ATF7IP2: variants seen among roughly 807,000 people sequenced by gnomAD.
The protein encoded by ATF7IP2 is activating transcription factor 7 interacting protein 2.
ATF7IP2 carries 42 observed loss-of-function variants against 64.2 expected under a neutral mutation model. That is an observed-to-expected ratio of 0.65 (90% CI 0.51 to 0.85). ATF7IP2 has a LOEUF of 0.85. ATF7IP2 is among the 40% of genes least tolerant of loss of function. The pLI, the probability that ATF7IP2 is intolerant of heterozygous loss-of-function variation, is 0.00. For missense variants in ATF7IP2, 933 were observed against 784.2 expected (o/e 1.19, Z -2.27); for synonymous variants, 308 against 272.8 (o/e 1.13, Z -1.27).
chr16:10,460,871 C>T (rs1023512632), intron 9 of ATF7IP2, among the ~76,000 whole-genome samples: 1 of 152,016 alleles, frequency 6.6e-6, no homozygotes, highest in Non-Finnish European at 1.5e-5. Flanking sequence ...CTTCGTTTCT[C>T]AAAAGGCACT....
rs139109742 is a variant in ATF7IP2 at position 10,474,557 on chromosome 16, G to C, written c.1549+568G>C. Among the ~76,000 whole-genome samples, 10 of 152,246 alleles carry C rather than the reference G, an allele frequency of 6.6e-5. No individual in the cohort carries two copies. In the East Asian group the frequency reaches 1.5e-3, roughly 23 times the overall value. On this transcript the variant is annotated intron_variant, in intron 12 of 13. Coordinates refer to ENST00000562102, the MANE Select transcript of ATF7IP2 (RefSeq NM_001393719.1). ...TATAACATGAAAATGTAGACAGAGA[G>C]TGACAACAGTGTCTGTCGTCTTTCA...
chr16:10,390,686 G>C (rs953614736), intron 1 of ATF7IP2, among the ~76,000 whole-genome samples: 1 of 152,118 alleles, frequency 6.6e-6, no homozygotes, highest in African/African-American at 2.4e-5. Flanking sequence ...CTCCTTGGGA[G>C]GCTGAGGCAG....
In ATF7IP2 at chr16:10,431,016, A is replaced by G. The variant is rs771371410; in HGVS notation, c.396A>G (p.Glu132=). 6.2e-7 allele frequency: 1 copy of G among 1,614,206 alleles called. No homozygotes were observed. Among genetic ancestry groups the G allele is most frequent in the Non-Finnish European group, 8.5e-7 (1 of 1,180,040 alleles). The change falls in exon 5 of 14, where the codon GAA becomes GAG. Residue 132 remains glutamate, a synonymous_variant. Coordinates refer to ENST00000562102, the MANE Select transcript of ATF7IP2 (RefSeq NM_001393719.1). ...AATCCCCCAGCAGAGTCTTCACAGAAGAGGCAAAAGATTCACTGAACACTT... is the reference window on the plus strand; with the variant it reads ...AATCCCCCAGCAGAGTCTTCACAGAGGAGGCAAAAGATTCACTGAACACTT... The part of the protein sequence containing the change: ...TTESPSRVFT[E]EAKDSLNTSE...
At chr16:10,446,694 T>C (rs2048816772) in intron 8 of ATF7IP2, 1 of 152,230 alleles carries the variant, frequency 6.6e-6, no homozygotes, top group Admixed American at 6.5e-5. Context: ...CCTTTCATTA[T>C]CTTTCCATAT....
At chr16:10,397,656 C>T (rs567135533) in intron 1 of ATF7IP2, among the ~76,000 whole-genome samples, 2 of 151,988 alleles carry the variant, frequency 1.3e-5, no homozygotes, top group South Asian at 2.1e-4. Flanking sequence ...GCGGGTGAAT[C>T]GTTTGAGCTT....
intron 2 of ATF7IP2, among the ~76,000 whole-genome samples, chr16:10,417,082 A>T (rs1030668072): frequency 8.5e-5 from 13 of 152,234 alleles, no homozygotes; most frequent in African/African-American, 2.9e-4. Flanking sequence ...CAGAGGTCAT[A>T]TAAAACAATC....
chr16:10,407,902 G>GTTACTTC (rs1447285922), intron 1 of ATF7IP2, among the ~76,000 whole-genome samples: 1 of 150,450 alleles, frequency 6.6e-6, no homozygotes, highest in Non-Finnish European at 1.5e-5. Flanking sequence ...CTACTCTTGA[G>GTTACTTC]TTACTTCTTT....
chr16:10,425,749 C>G (rs2048072601), intron 3 of ATF7IP2, among the ~76,000 whole-genome samples: 1 of 151,952 alleles, frequency 6.6e-6, no homozygotes, highest in Non-Finnish European at 1.5e-5. Flanking sequence ...CAAAATTAGC[C>G]AGGCCTGGTG....
At chr16:10,475,506 A>G (rs769368924) in intron 12 of ATF7IP2, among the ~76,000 whole-genome samples, 28 of 152,098 alleles carry the variant, frequency 1.8e-4, no homozygotes, top group Non-Finnish European at 2.9e-4. Flanking sequence ...CCTGGCTAAC[A>G]TGGTGAAACC....
chr16:10,466,256 A>T (rs111887393), intron 9 of ATF7IP2, among the ~76,000 whole-genome samples: 2 of 152,230 alleles, frequency 1.3e-5, no homozygotes, highest in African/African-American at 4.8e-5. Context: ...ATGTGCTACA[A>T]TTAATCTGTT....
chr16:10,468,820 A>G (rs570069133), intron 9 of ATF7IP2, among the ~76,000 whole-genome samples: 4 of 152,344 alleles, frequency 2.6e-5, no homozygotes, highest in South Asian at 2.1e-4. Context: ...CCCCCTGGCT[A>G]GAAGAAAGAT....
intron 9 of ATF7IP2, among the ~76,000 whole-genome samples, chr16:10,459,146 C>A (rs2049284687): frequency 6.6e-6 from 1 of 152,024 alleles, no homozygotes; most frequent in South Asian, 2.1e-4. Flanking sequence ...CTAGCCTGAC[C>A]AACATGGAGA....
intron 1 of ATF7IP2, chr16:10,387,265 A>G (rs60108992): frequency 2.1e-4 from 32 of 152,368 alleles, no homozygotes; most frequent in African/African-American, 7.7e-4. Flanking sequence ...TGAAGGACTA[A>G]TAACACTGAA....
chr16:10,401,277 C>T (rs1033081061), intron 1 of ATF7IP2, among the ~76,000 whole-genome samples: 10 of 152,124 alleles, frequency 6.6e-5, no homozygotes, highest in Admixed American at 1.3e-4. Flanking sequence ...AAGCGATTCT[C>T]CTGCCCCAGC....
At chr16:10,417,980 A>G (rs1167149673) in intron 2 of ATF7IP2, among the ~76,000 whole-genome samples, 1 of 152,230 alleles carries the variant, frequency 6.6e-6, no homozygotes, top group Non-Finnish European at 1.5e-5. Context: ...ACCCAGTGGC[A>G]CTAGAGGAAT....
At chr16:10,406,110 C>T (rs984090840) in intron 1 of ATF7IP2, among the ~76,000 whole-genome samples, 4 of 151,780 alleles carry the variant, frequency 2.6e-5, no homozygotes, top group Non-Finnish European at 2.9e-5. Flanking sequence ...AGAAAAGCTT[C>T]AAATAATTTT....
chr16:10,434,520 C>T (rs2048355749), intron 6 of ATF7IP2, among the ~76,000 whole-genome samples: 1 of 152,126 alleles, frequency 6.6e-6, no homozygotes, highest in Non-Finnish European at 1.5e-5. Context: ...AATGTGTATT[C>T]TTCACCTAAT....
intron 5 of ATF7IP2, among the ~76,000 whole-genome samples, chr16:10,433,063 A>G (rs1038193297): frequency 2.0e-5 from 3 of 152,064 alleles, no homozygotes; most frequent in African/African-American, 7.2e-5. Context: ...TTTTTTTTCA[A>G]GGTTAGTTTG....
intron 12 of ATF7IP2, among the ~76,000 whole-genome samples, chr16:10,478,522 T>C (rs572536080): frequency 4.6e-5 from 7 of 152,306 alleles, no homozygotes; most frequent in Non-Finnish European, 1.0e-4. Flanking sequence ...ATTAAAGACT[T>C]AAACGTTAGA....
Sources: allele counts gnomAD v4.1 joint callset (sites outside exome capture counted in the v4.1 genomes callset), GRCh38; gene constraint gnomAD v4.1.1; transcripts MANE v1.5; gene names NCBI Gene and HGNC (gene_info 2026-07-23, HGNC 2026-07-21).